ZNF343: variants seen among roughly 807,000 people sequenced by gnomAD.
ZNF343 encodes zinc finger protein 343.
ZNF343 carries 11 observed loss-of-function variants against 13.8 expected under a neutral mutation model. That is an observed-to-expected ratio of 0.80 (90% CI 0.50 to 1.32). The LOEUF (loss-of-function observed/expected upper bound fraction) is 1.32, where lower values mean the gene tolerates loss of function less well. ZNF343 is among the 40% of genes most tolerant of loss of function. The pLI is 0.00. For synonymous variants in ZNF343, 248 were observed against 260.0 expected (o/e 0.95, Z 0.44); for missense variants, 658 against 714.2 (o/e 0.92, Z 0.90).
In ZNF343 at chr20:2,482,838, G is replaced by T. The variant is rs1309598760; in HGVS notation, c.*323C>A. ...TCCCCAGACAAGGGTGCTTTCCCCT[G>T]AGGCTGTCATTGGATGTCTGGTAAA... is the stretch of plus-strand genomic sequence containing the variant. On this transcript the variant is annotated 3_prime_UTR_variant, in exon 6 of 6. Transcript: ENST00000278772. 1.3e-5 allele frequency: 4 copies of T among 301,696 alleles called. No individual in the cohort carries two copies. Among genetic ancestry groups the T allele is most frequent in the East Asian group, 6.4e-5 (1 of 15,696 alleles). 18.7% of individuals were successfully genotyped at this position (301,696 alleles called of 1,614,324 possible). A position where few individuals can be genotyped will look rare whatever the true frequency, so the allele number is the denominator to read the frequency against.
chr20:2,507,272 A>C (rs886328439), intron 1 of ZNF343, among the ~76,000 whole-genome samples: 4 of 151,822 alleles, frequency 2.6e-5, no homozygotes, highest in Non-Finnish European at 4.4e-5. Flanking sequence ...CTCAAAAAAA[A>C]AAAAAAAAAA....
chr20:2,483,959 A>G lies in ZNF343; in HGVS notation c.1002T>C (p.Phe334=), dbSNP rs1313514428. The G allele has an allele frequency of 6.2e-7, 1 of 1,614,130 alleles. No homozygotes were observed. Among genetic ancestry groups the G allele is most frequent in the Non-Finnish European group, 8.5e-7 (1 of 1,180,012 alleles). Residue 334 remains phenylalanine, a synonymous_variant, in exon 6 of 6, where the codon TTT becomes TTC. Coordinates refer to ENST00000278772, the MANE Select transcript of ZNF343 (RefSeq NM_024325.6). The stretch of plus-strand genomic sequence containing the variant: ...GTCTATTGAGGATGGACTTACTTCT[A>G]AAGCTTTGCCCACACTCCCTGCACA... ...PYLCRECGQS[F]RSKSILNRHQ...
chr20:2,492,672 GAAGGA>G, intron 5 of ZNF343, 22 bp downstream of exon 5: 1 of 1,601,036 alleles, frequency 6.2e-7, no homozygotes, highest in South Asian at 1.1e-5. Flanking sequence ...CTGAATTAAT[GAAGGA>G]AAGGAAAGAA....
chr20:2,516,602 T>G (rs1179807790), intron 1 of ZNF343, among the ~76,000 whole-genome samples: 1 of 151,606 alleles, frequency 6.6e-6, no homozygotes, highest in East Asian at 1.9e-4. Flanking sequence ...AGGACAACAG[T>G]GATGATGAGG....
upstream of ZNF343, among the ~76,000 whole-genome samples, chr20:2,511,414 AG>A (rs765730896): frequency 5.3e-5 from 8 of 152,176 alleles, no homozygotes; most frequent in Non-Finnish European, 1.2e-4. Context: ...CTGGCCTGGA[AG>A]GACCAATTTC....
chr20:2,498,033 C>T (rs747246206), intron 2 of ZNF343, among the ~76,000 whole-genome samples: 2 of 152,166 alleles, frequency 1.3e-5, no homozygotes, highest in Non-Finnish European at 2.9e-5. Flanking sequence ...AGAGCCACTT[C>T]ATGGTCCAGT....
At chr20:2,500,268 A>G (rs1376919267) in intron 2 of ZNF343, among the ~76,000 whole-genome samples, 2 of 152,224 alleles carry the variant, frequency 1.3e-5, no homozygotes, top group African/African-American at 4.8e-5. Flanking sequence ...CAGAGTTTTG[A>G]TTCCTAACTT....
At chr20:2,500,797 T>G (rs892188324) in intron 1 of ZNF343, 55 bp from the exon 2 acceptor site, 1 of 151,960 alleles carries the variant, frequency 6.6e-6, no homozygotes, top group Non-Finnish European at 1.5e-5. Flanking sequence ...CACCCAGATA[T>G]GGAGGCTAGA....
intron 1 of ZNF343, among the ~76,000 whole-genome samples, chr20:2,522,388 A>T (rs754393560): frequency 2.0e-5 from 3 of 152,082 alleles, no homozygotes; most frequent in Non-Finnish European, 2.9e-5. Context: ...GTAAACATAC[A>T]TTTTTATTTC....
intron 5 of ZNF343, among the ~76,000 whole-genome samples, chr20:2,487,388 ATTAC>A (rs1356992558): frequency 6.6e-6 from 1 of 152,240 alleles, no homozygotes; most frequent in Non-Finnish European, 1.5e-5. Context: ...TTAACCCTGT[ATTAC>A]TTTGTGGGAA....
intron 5 of ZNF343, among the ~76,000 whole-genome samples, chr20:2,490,631 G>C (rs960306864): frequency 1.3e-5 from 2 of 150,274 alleles, no homozygotes; most frequent in Non-Finnish European, 2.9e-5. Flanking sequence ...TCCACCTCCT[G>C]GGTTCAAGTG....
Position 2,483,093 on chromosome 20 carries a change from G to A in ZNF343, c.*68C>T. 6.6e-7 allele frequency: 1 copy of A among 1,522,126 alleles called. No homozygotes were observed. The highest frequency in any genetic ancestry group is 8.9e-7 in the Non-Finnish European group (1 of 1,129,278). 94.3% of individuals were successfully genotyped at this position (1,522,126 alleles called of 1,614,324 possible). ...GGTCTACTCCCCATGTGTCTCTCTG[G>A]GGTAACATGAGGCTTGACTGGTCAC... On this transcript the variant is annotated 3_prime_UTR_variant, in exon 6 of 6. Transcript: ENST00000278772.
At chr20:2,495,550 A>G (rs768505228) in intron 2 of ZNF343, 1 of 152,258 alleles carries the variant, frequency 6.6e-6, no homozygotes, top group Non-Finnish European at 1.5e-5. Context: ...GTACAAAGCT[A>G]AAGCCAACCT....
chr20:2,511,765 A>G (rs1600082106), upstream of ZNF343, among the ~76,000 whole-genome samples: 1 of 152,348 alleles, frequency 6.6e-6, no homozygotes. Flanking sequence ...CTCAAAGCCT[A>G]CATTCACAGC....
chr20:2,494,941 AT>A (rs1414874522), intron 2 of ZNF343, among the ~76,000 whole-genome samples: 1 of 152,126 alleles, frequency 6.6e-6, no homozygotes, highest in Non-Finnish European at 1.5e-5. Flanking sequence ...ACAGATGTGC[AT>A]TTGTGTATCC....
At chr20:2,495,932 G>T (rs1007178734) in intron 2 of ZNF343, among the ~76,000 whole-genome samples, 1 of 151,992 alleles carries the variant, frequency 6.6e-6, no homozygotes, top group Non-Finnish European at 1.5e-5. Flanking sequence ...CGTCTGCCTC[G>T]GCCTCCCAAC....
Position 2,493,540 on chromosome 20 carries a change from CTTT to C in ZNF343, c.153_155del (p.Lys52del), listed in dbSNP as rs1186524173. On this transcript the variant is annotated inframe_deletion, in exon 4 of 6. Coordinates refer to ENST00000278772, the MANE Select transcript of ZNF343 (RefSeq NM_024325.6). Reference sequence around the variant, plus strand: ...TCACCACTATTTGGGCCTTTCCCTCCTTTTTCTGGGGGCAGTCAGTATCATTAG... The same window carrying C: ...TCACCACTATTTGGGCCTTTCCCTCCTTCTGGGGGCAGTCAGTATCATTAG... The C allele has an allele frequency of 1.9e-6, 3 of 1,613,710 alleles. No individual in the cohort carries two copies. The highest frequency in any genetic ancestry group is 2.5e-6 in the Non-Finnish European group (3 of 1,179,932).
intron 2 of ZNF343, among the ~76,000 whole-genome samples, chr20:2,496,234 A>C (rs1568482466): frequency 6.6e-6 from 1 of 152,222 alleles, no homozygotes; most frequent in Non-Finnish European, 1.5e-5. Flanking sequence ...TGATTACTTG[A>C]GATTTGAACA....
chr20:2,502,336 T>C (rs370070288), intron 1 of ZNF343, among the ~76,000 whole-genome samples: 2 of 152,210 alleles, frequency 1.3e-5, no homozygotes, highest in Admixed American at 6.5e-5. Flanking sequence ...CTACGTCTGA[T>C]TGGTGTATCT....
Sources: allele counts gnomAD v4.1 joint callset (sites outside exome capture counted in the v4.1 genomes callset), GRCh38; gene constraint gnomAD v4.1.1; transcripts MANE v1.5; gene names NCBI Gene and HGNC (gene_info 2026-07-23, HGNC 2026-07-21).